The following ARHGAP17 variants were observed in gnomAD, a reference collection of about 807,000 sequenced individuals.
ARHGAP17 encodes Rho GTPase activating protein 17.
In ARHGAP17, 57 loss-of-function variants were observed where a neutral mutation model predicts 99.5. The observed-to-expected ratio is 0.57, with a 90% CI of 0.46 to 0.71. ARHGAP17 has a LOEUF of 0.71. Ranked by LOEUF, ARHGAP17 falls within the 30% of genes least tolerant of loss-of-function variation. The probability of loss-of-function intolerance (pLI) is 0.00; values close to 1 mark genes in which losing one functional copy is unlikely to be tolerated. For missense variants in ARHGAP17, 1,000 were observed against 1,122.4 expected (o/e 0.89, Z 1.56); for synonymous variants, 417 against 429.6 (o/e 0.97, Z 0.36).
intron 19 of ARHGAP17, among the ~76,000 whole-genome samples, chr16:24,923,502 A>G (rs2152437406): frequency 6.6e-6 from 1 of 152,240 alleles, no homozygotes; most frequent in Middle Eastern, 3.4e-3. Flanking sequence ...TGGTGGGATG[A>G]TGGTGTGAGC....
At chr16:24,983,398 T>C (rs7186780) in intron 1 of ARHGAP17, among the ~76,000 whole-genome samples, 75,301 of 150,998 alleles carry the variant, frequency 0.5, 20,300 homozygotes, top group African/African-American at 0.72. Flanking sequence ...AACTCCTAGG[T>C]TCAAGCTATC....
At chr16:24,993,814 T>C (rs910046832) in intron 1 of ARHGAP17, among the ~76,000 whole-genome samples, 4 of 152,146 alleles carry the variant, frequency 2.6e-5, no homozygotes, top group African/African-American at 9.7e-5. Context: ...AAACTAACCA[T>C]AGCATCTAAA....
intron 10 of ARHGAP17, among the ~76,000 whole-genome samples, chr16:24,953,596 C>T (rs928015891): frequency 5.3e-5 from 8 of 152,190 alleles, no homozygotes; most frequent in South Asian, 2.1e-4. Flanking sequence ...CTTCCCCTTC[C>T]GCCATGACTG....
At chr16:24,982,865 C>A (rs1365340627) in intron 1 of ARHGAP17, among the ~76,000 whole-genome samples, 2 of 145,070 alleles carry the variant, frequency 1.4e-5, no homozygotes, top group African/African-American at 5.2e-5. Flanking sequence ...TTTATTAAAG[C>A]AAGGCAGGGG....
chr16:24,920,174 T>C lies in ARHGAP17; in HGVS notation c.2602A>G (p.Ile868Val). The change falls in exon 20 of 20, where the codon ATC (isoleucine) becomes GTC (valine). Residue 868 changes from isoleucine (I) to valine (V), a missense_variant. Coordinates refer to ENST00000289968, the MANE Select transcript of ARHGAP17 (RefSeq NM_001006634.3). ...DSASKDVPGR[I>V]LLDIDNDTES... ...GTATCATTGTCTATATCCAGCAGGA[T>C]GCGGCCAGGCACGTCTTTGCTGGCT... 1 of 1,614,112 alleles carries C rather than the reference T, an allele frequency of 6.2e-7. No individual in the cohort carries two copies. Among genetic ancestry groups the C allele is most frequent in the Non-Finnish European group, 8.5e-7 (1 of 1,179,994 alleles).
At chr16:24,938,937 G>A (rs2051227367) in intron 17 of ARHGAP17, among the ~76,000 whole-genome samples, 1 of 152,096 alleles carries the variant, frequency 6.6e-6, no homozygotes, top group African/African-American at 2.4e-5. Context: ...CTGTTTCACT[G>A]AATCAATCAA....
At chr16:24,982,999 T>TTATATATATATATATA (rs2052743791) in intron 1 of ARHGAP17, among the ~76,000 whole-genome samples, 2 of 21,988 alleles carry the variant, frequency 9.1e-5, no homozygotes, top group Non-Finnish European at 1.8e-4. Flanking sequence ...TATATATATT[T>TTATATATATATATATA]TTTTTTTTTT....
intron 19 of ARHGAP17, 92 bp downstream of exon 19, chr16:24,930,692 C>T: frequency 1.2e-6 from 2 of 1,610,764 alleles, no homozygotes; most frequent in Non-Finnish European, 1.7e-6. Flanking sequence ...AGTTTGCTGA[C>T]ACCTGGCATA....
intron 7 of ARHGAP17, among the ~76,000 whole-genome samples, chr16:24,961,441 G>A (rs1237207915): frequency 2.7e-5 from 4 of 149,312 alleles, no homozygotes; most frequent in Non-Finnish European, 5.9e-5. Flanking sequence ...GAGGTGGGAG[G>A]ATTGCTTGGA....
intron 13 of ARHGAP17, 68 bp from the exon 14 acceptor site, chr16:24,947,663 T>G: frequency 1.5e-6 from 2 of 1,363,070 alleles, no homozygotes; most frequent in Non-Finnish European, 2.1e-6. Flanking sequence ...TCTTCCTGCC[T>G]GGGTGCACAA....
chr16:24,999,231 C>CTCATTAGA (rs1172356379), intron 1 of ARHGAP17, among the ~76,000 whole-genome samples: 2 of 152,194 alleles, frequency 1.3e-5, no homozygotes, highest in East Asian at 3.8e-4. Context: ...GTGATATCTG[C>CTCATTAGA]TCATTAGAGC....
intron 1 of ARHGAP17, among the ~76,000 whole-genome samples, chr16:24,986,386 G>C (rs538867288): frequency 6.6e-6 from 1 of 152,280 alleles, no homozygotes; most frequent in African/African-American, 2.4e-5. Context: ...ATCTAAACCA[G>C]GGGTCAGCAA....
intron 1 of ARHGAP17, among the ~76,000 whole-genome samples, chr16:24,983,971 A>G (rs1451345087): frequency 3.3e-5 from 5 of 152,116 alleles, no homozygotes; most frequent in African/African-American, 1.2e-4. Context: ...GCAATGTCCA[A>G]CCCTGCAGTG....
At chr16:24,984,350 G>C (rs1366043853) in intron 1 of ARHGAP17, among the ~76,000 whole-genome samples, 1 of 152,166 alleles carries the variant, frequency 6.6e-6, no homozygotes, top group East Asian at 1.9e-4. Context: ...CCAGCGGCAA[G>C]CTCAGCACCT....
chr16:24,924,310 G>A (rs1325517387), intron 19 of ARHGAP17, among the ~76,000 whole-genome samples: 2 of 151,932 alleles, frequency 1.3e-5, no homozygotes, highest in Non-Finnish European at 2.9e-5. Context: ...TATATTATTT[G>A]CATTCCAAGA....
chr16:24,934,150 G>T (rs1241044151), intron 18 of ARHGAP17, among the ~76,000 whole-genome samples: 2 of 152,154 alleles, frequency 1.3e-5, no homozygotes, highest in Non-Finnish European at 2.9e-5. Context: ...CAGACACAGT[G>T]AATTTAATCC....
intron 9 of ARHGAP17, chr16:24,956,645 C>T (rs1371669287): frequency 2.6e-5 from 4 of 152,214 alleles, no homozygotes; most frequent in African/African-American, 9.6e-5. Flanking sequence ...TGCCGACAGG[C>T]GATAACCACT....
At chr16:25,012,500 G>A (rs1335374147) in intron 1 of ARHGAP17, among the ~76,000 whole-genome samples, 3 of 152,114 alleles carry the variant, frequency 2.0e-5, no homozygotes, top group Admixed American at 1.3e-4. Flanking sequence ...CTAGATCGCA[G>A]GGGCGAAAAC....
chr16:24,998,151 A>G (rs2053252170), intron 1 of ARHGAP17, among the ~76,000 whole-genome samples: 1 of 151,964 alleles, frequency 6.6e-6, no homozygotes, highest in Admixed American at 6.6e-5. Context: ...GATGATGCAA[A>G]CTGGGCCCCG....
Sources: gnomAD v4.1 joint callset for allele counts (sites outside exome capture counted in the v4.1 genomes callset) on GRCh38, gnomAD v4.1.1 for gene constraint, MANE v1.5 for transcripts, NCBI Gene and HGNC (gene_info 2026-07-23, HGNC 2026-07-21) for gene names.